The following LACTBL1 variants were observed in gnomAD, a reference collection of about 807,000 sequenced individuals.
LACTBL1 encodes the protein beta-lactamase-like protein 1.
A neutral mutation model predicts 39.6 loss-of-function variants in LACTBL1; 29 were observed. That is an observed-to-expected ratio of 0.73 (90% confidence interval 0.55 to 1.00). The LOEUF (loss-of-function observed/expected upper bound fraction) is 1.00. Among genes scored for constraint, LACTBL1 ranks in the 50% least tolerant of loss-of-function variants. The pLI is 0.00. For synonymous variants in LACTBL1, 361 were observed against 360.7 expected (o/e 1.00, Z -0.01); for missense variants, 711 against 748.5 (o/e 0.95, Z 0.59).
chr1:22,970,825 A>C, the LACTBL1 span, among the ~76,000 whole-genome samples: 4 of 151,996 alleles, frequency 2.6e-5, no homozygotes, highest in African/African-American at 7.3e-5. Context: ...AAAAAAAAAA[A>C]AACAACTCTT....
intron 2 of LACTBL1, among the ~76,000 whole-genome samples, chr1:22,960,314 G>A (rs191633761): frequency 4.6e-5 from 7 of 152,292 alleles, no homozygotes; most frequent in African/African-American, 1.4e-4. Flanking sequence ...AAGGAGAGGG[G>A]GTTAAAACGA....
intron 4 of LACTBL1, among the ~76,000 whole-genome samples, chr1:22,958,112 TTTTTTC>T (rs1640780593): frequency 6.6e-6 from 1 of 152,202 alleles, no homozygotes; most frequent in Admixed American, 6.5e-5. Flanking sequence ...AATATAAACT[TTTTTTC>T]TTTTTAGAGA....
chr1:22,967,337 C>G (rs947156471), upstream of LACTBL1, among the ~76,000 whole-genome samples: 1 of 151,912 alleles, frequency 6.6e-6, no homozygotes, highest in African/African-American at 2.4e-5. Context: ...CCACTGCACT[C>G]CAGCCTAGAT....
chr1:22,964,236 C>T (rs1028028018), intron 1 of LACTBL1, among the ~76,000 whole-genome samples: 1 of 152,234 alleles, frequency 6.6e-6, no homozygotes, highest in Admixed American at 6.5e-5. Flanking sequence ...CGTGCTCAGC[C>T]ATAAGACCAT....
At chr1:22,969,982 A>C (rs887315721), upstream of LACTBL1, among the ~76,000 whole-genome samples, 2 of 152,192 alleles carry the variant, frequency 1.3e-5, no homozygotes, top group Admixed American at 6.5e-5. Context: ...CTTGGGTTCA[A>C]ATCTTAACTC....
upstream of LACTBL1, among the ~76,000 whole-genome samples, chr1:22,966,935 G>T (rs1557436982): frequency 6.6e-6 from 1 of 152,022 alleles, no homozygotes; most frequent in Non-Finnish European, 1.5e-5. Context: ...AATATTTCAA[G>T]CTTACTGAAA....
At chr1:22,958,242 T>C (rs533824423) in intron 4 of LACTBL1, among the ~76,000 whole-genome samples, 1 of 151,956 alleles carries the variant, frequency 6.6e-6, no homozygotes, top group South Asian at 2.1e-4. Flanking sequence ...TGTACCACCA[T>C]GCCTGGGCTA....
intron 2 of LACTBL1, among the ~76,000 whole-genome samples, 185 bp from the exon 5 acceptor site, chr1:22,960,284 A>G (rs1232108961): frequency 6.6e-6 from 1 of 152,174 alleles, no homozygotes; most frequent in Admixed American, 6.5e-5. Flanking sequence ...TCAAAGAAAC[A>G]GTTTCTTAGC....
upstream of LACTBL1, among the ~76,000 whole-genome samples, chr1:22,969,327 T>G (rs1640914721): frequency 6.6e-6 from 1 of 152,214 alleles, no homozygotes; most frequent in South Asian, 2.1e-4. Flanking sequence ...CAGCACTATT[T>G]ATTAAATACA....
At chr1:22,960,576 C>T (rs1193591374) in intron 2 of LACTBL1, among the ~76,000 whole-genome samples, 2 of 134,868 alleles carry the variant, frequency 1.5e-5, no homozygotes, top group Non-Finnish European at 3.0e-5. Flanking sequence ...AAGATCTCGC[C>T]ACTGTACTCC....
the LACTBL1 span, chr1:22,972,761 C>T: frequency 1.5e-6 from 1 of 645,252 alleles, no homozygotes; most frequent in Non-Finnish European, 1.9e-6. Flanking sequence ...AGGCTCTTGG[C>T]CACAACTTAC....
exon 6 of LACTBL1, chr1:22,953,464 G>C (rs1640727525): frequency 8.1e-7 from 1 of 1,228,356 alleles, no homozygotes; most frequent in Non-Finnish European, 1.0e-6. Flanking sequence ...CTCCAGGGCG[G>C]GCAGGAGCTC....
chr1:22,960,228 C>T lies in LACTBL1; in HGVS notation c.160-129G>A, dbSNP rs570474465. ...CCCAGTGAGCCTCCCAGCTATGCCCCATGGGCTGGGGCCCCCACTGTTGGG... is the reference window on the plus strand; with the variant it reads ...CCCAGTGAGCCTCCCAGCTATGCCCTATGGGCTGGGGCCCCCACTGTTGGG... On this transcript the variant is annotated intron_variant, in intron 2 of 5. Transcript: ENST00000426928. The T allele has an allele frequency of 2.2e-5, 25 of 1,138,446 alleles. No homozygotes were observed. The South Asian group carries it at 3.4e-4, about 15-fold the overall frequency. The allele number at this position is 1,138,446 out of a possible 1,614,324, so 70.5% of individuals were successfully genotyped here.
intron 2 of LACTBL1, among the ~76,000 whole-genome samples, chr1:22,961,815 C>T (rs758978084): frequency 6.6e-6 from 1 of 152,106 alleles, no homozygotes; most frequent in Non-Finnish European, 1.5e-5. Flanking sequence ...GGCACGATCT[C>T]GGCTCACTGC....
intron 1 of LACTBL1, among the ~76,000 whole-genome samples, chr1:22,965,022 G>A (rs920424952): frequency 6.6e-6 from 1 of 152,174 alleles, no homozygotes; most frequent in Non-Finnish European, 1.5e-5. Flanking sequence ...TGGTGTCCTT[G>A]AATTTTACCC....
intron 5 of LACTBL1, 56 bp downstream of exon 7, chr1:22,955,265 T>C (rs1640749615): frequency 2.9e-6 from 4 of 1,370,072 alleles, no homozygotes; most frequent in Middle Eastern, 1.8e-4. Flanking sequence ...GCCAGGCAGG[T>C]GTGTCTCCCC....
chr1:22,964,462 A>G (rs1004826061), intron 1 of LACTBL1, among the ~76,000 whole-genome samples: 1 of 152,158 alleles, frequency 6.6e-6, no homozygotes, highest in African/African-American at 2.4e-5. Flanking sequence ...CCCGACCCCC[A>G]AGCCGACTTG....
At position 22,955,937 on chromosome 1, in the gene LACTBL1, G is replaced by A. The variant is rs543290242; in HGVS notation, c.554-511C>T. On this transcript the variant is annotated intron_variant, in intron 4 of 5. Transcript: ENST00000426928. ...AAATTAGCTGGACGTCTTGGCATGC[G>A]CCTGTAATCCCAGCTACTCAGGAGG... Among the ~76,000 whole-genome samples, 8 of 151,988 alleles carry A rather than the reference G, an allele frequency of 5.3e-5. No individual in the cohort carries two copies. In the South Asian group the frequency reaches 6.3e-4, roughly 12 times the overall value.
exon 6 of LACTBL1, chr1:22,953,626 G>C: frequency 1.6e-6 from 2 of 1,266,168 alleles, no homozygotes; most frequent in Non-Finnish European, 2.0e-6. Context: ...GCCCCGCTGC[G>C]CGTGGAACTC....
Sources: gnomAD v4.1 joint callset for allele counts (sites outside exome capture counted in the v4.1 genomes callset) on GRCh38, gnomAD v4.1.1 for gene constraint, MANE v1.5 for transcripts, NCBI Gene and HGNC (gene_info 2026-07-23, HGNC 2026-07-21) for gene names.